PTPRC: variants seen among roughly 807,000 people sequenced by gnomAD.
The protein encoded by PTPRC is receptor-type tyrosine-protein phosphatase C.
In PTPRC, 44 loss-of-function variants were observed where a neutral mutation model predicts 155.9. The ratio of observed to expected loss-of-function variants is 0.28; its 90% CI spans 0.22 to 0.36. PTPRC has a LOEUF of 0.36. PTPRC is among the 10% of genes least tolerant of loss of function. PTPRC has a pLI of 1.00. For missense variants in PTPRC, 1,401 were observed against 1,564.6 expected, an observed-to-expected ratio of 0.90 and a Z score of 1.76; for synonymous variants, 525 against 533.1, an observed-to-expected ratio of 0.98 and a Z score of 0.21.
chr1:198,653,780 C>T (rs1663389839), intron 2 of PTPRC, among the ~76,000 whole-genome samples: 2 of 151,688 alleles, frequency 1.3e-5, no homozygotes, highest in South Asian at 4.1e-4. Context: ...AAATTATGTG[C>T]CTTTTATTTT....
intron 10 of PTPRC, 81 bp downstream of exon 10, chr1:198,708,342 C>T: frequency 2.2e-6 from 3 of 1,366,576 alleles, no homozygotes; most frequent in Non-Finnish European, 3.1e-6. Flanking sequence ...ACTCTCTGCC[C>T]TTTCTCTCTT....
intron 2 of PTPRC, among the ~76,000 whole-genome samples, chr1:198,641,863 C>T (rs147411692): frequency 6.6e-6 from 1 of 151,948 alleles, no homozygotes; most frequent in Admixed American, 6.6e-5. Flanking sequence ...CTTCATTTTT[C>T]CATCTGTATT....
intron 12 of PTPRC, among the ~76,000 whole-genome samples, chr1:198,715,821 T>C (rs1328705346): frequency 6.6e-6 from 1 of 152,160 alleles, no homozygotes; most frequent in Non-Finnish European, 1.5e-5. Flanking sequence ...TAAAAATCGT[T>C]ATTGATATTA....
At chr1:198,749,377 T>G (rs1655279017) in intron 27 of PTPRC, 39 bp from the exon 28 acceptor site, 1 of 1,584,634 alleles carries the variant, frequency 6.3e-7, no homozygotes, top group South Asian at 1.1e-5. Context: ...GAAATTTAAT[T>G]TTTTCAAGGA....
chr1:198,681,832 G>A (rs538666719), intron 2 of PTPRC, among the ~76,000 whole-genome samples: 19 of 152,128 alleles, frequency 1.2e-4, no homozygotes, highest in African/African-American at 4.6e-4. Flanking sequence ...CATTTTTATT[G>A]AAGCAAACAC....
intron 31 of PTPRC, 149 bp downstream of exon 31, chr1:198,752,921 A>G (rs1655454266): frequency 2.6e-6 from 2 of 780,258 alleles, no homozygotes; most frequent in South Asian, 1.5e-5. Context: ...GGTTGTTTCC[A>G]CAACACAACT....
intron 2 of PTPRC, among the ~76,000 whole-genome samples, chr1:198,640,481 T>TTTGTTG (rs1156711389): frequency 6.6e-6 from 1 of 151,838 alleles, no homozygotes; most frequent in African/African-American, 2.4e-5. Flanking sequence ...ACATAAGATT[T>TTTGTTG]TTGTTGTTGT....
chr1:198,665,263 T>TC (rs1359665132), intron 2 of PTPRC, among the ~76,000 whole-genome samples: 2 of 138,662 alleles, frequency 1.4e-5, no homozygotes, highest in Non-Finnish European at 3.1e-5. Context: ...CTAATTTTTC[T>TC]TTTTTTTTTT....
chr1:198,742,403 GT>G, intron 25 of PTPRC, 36 bp downstream of exon 25: 2 of 1,609,426 alleles, frequency 1.2e-6, no homozygotes, highest in South Asian at 1.1e-5. Context: ...TCTCACTTTG[GT>G]TTTTTGGACT....
chr1:198,730,518 A>G (rs1388231046), intron 17 of PTPRC, among the ~76,000 whole-genome samples: 1 of 152,140 alleles, frequency 6.6e-6, no homozygotes, highest in African/African-American at 2.4e-5. Flanking sequence ...GACATAGGGT[A>G]TCGTGAGGAT....
At chr1:198,662,230 T>G (rs904716303) in intron 2 of PTPRC, among the ~76,000 whole-genome samples, 1 of 152,218 alleles carries the variant, frequency 6.6e-6, no homozygotes, top group Admixed American at 6.5e-5. Context: ...ATGTGCTAGA[T>G]GCTATGTTTA....
intron 2 of PTPRC, among the ~76,000 whole-genome samples, chr1:198,644,737 C>T (rs1269599721): frequency 6.6e-6 from 1 of 151,714 alleles, no homozygotes; most frequent in Non-Finnish European, 1.5e-5. Flanking sequence ...ATTCATAGTA[C>T]CTTCAATTGA....
At chr1:198,731,032 T>C (rs1311192043) in intron 17 of PTPRC, among the ~76,000 whole-genome samples, 1 of 152,144 alleles carries the variant, frequency 6.6e-6, no homozygotes. Flanking sequence ...TGTAGCTTTT[T>C]ATGGTTAGTA....
chr1:198,712,679 T>C (rs1653371840), intron 11 of PTPRC: 1 of 374,484 alleles, frequency 2.7e-6, no homozygotes, highest in Non-Finnish European at 4.9e-6. Flanking sequence ...AGAATATATA[T>C]GAATAATGTA....
intron 2 of PTPRC, among the ~76,000 whole-genome samples, chr1:198,676,408 A>G (rs1294038657): frequency 2.6e-5 from 4 of 152,210 alleles, no homozygotes; most frequent in African/African-American, 7.2e-5. Flanking sequence ...CTTAAGAAAC[A>G]GATGGTAGAT....
chr1:198,651,845 C>T (rs1351762696), intron 2 of PTPRC, among the ~76,000 whole-genome samples: 2 of 151,618 alleles, frequency 1.3e-5, no homozygotes, highest in East Asian at 3.9e-4. Context: ...AAGAAGGGGT[C>T]AGGAAAGGGA....
chr1:198,702,272 C>A, intron 5 of PTPRC, 115 bp from the exon 6 acceptor site: 1 of 1,346,808 alleles, frequency 7.4e-7, no homozygotes, highest in Non-Finnish European at 1.1e-6. Context: ...AGCAGAAGTG[C>A]TTGAAGATTT....
chr1:198,752,999 T>C (rs1315901236), intron 31 of PTPRC, among the ~76,000 whole-genome samples: 1 of 152,046 alleles, frequency 6.6e-6, no homozygotes, highest in African/African-American at 2.4e-5. Context: ...TTTTAATACT[T>C]GGTGTCATGT....
intron 2 of PTPRC, among the ~76,000 whole-genome samples, chr1:198,663,606 G>C (rs182833426): frequency 6.6e-6 from 1 of 152,292 alleles, no homozygotes. Flanking sequence ...TAGTGGCCTT[G>C]ATATATAATA....
Sources: gnomAD v4.1 joint callset for allele counts (sites outside exome capture counted in the v4.1 genomes callset) on GRCh38, gnomAD v4.1.1 for gene constraint, MANE v1.5 for transcripts, NCBI Gene and HGNC (gene_info 2026-07-23, HGNC 2026-07-21) for gene names.